Variants in IWS1 observed in about 807,000 individuals in gnomAD.
The protein encoded by IWS1 is protein IWS1 homolog.
IWS1 carries 27 observed loss-of-function variants against 86.7 expected under a neutral mutation model. The ratio of observed to expected loss-of-function variants is 0.31; its 90% CI spans 0.23 to 0.43. IWS1 has a LOEUF of 0.43. Among genes scored for constraint, IWS1 ranks in the 20% least tolerant of loss-of-function variants. IWS1 has a pLI of 1.00. For synonymous variants in IWS1, 313 were observed against 335.1 expected, an observed-to-expected ratio of 0.93 and a Z score of 0.72; for missense variants, 827 against 1,000.8, an observed-to-expected ratio of 0.83 and a Z score of 2.34.
At chr2:127,511,984 T>C (rs1269686410) in intron 2 of IWS1, among the ~76,000 whole-genome samples, 1 of 152,198 alleles carries the variant, frequency 6.6e-6, no homozygotes, top group Non-Finnish European at 1.5e-5. Flanking sequence ...TCAAGTAATG[T>C]TGGAGCTAAA....
intron 13 of IWS1, chr2:127,482,190 AT>A (rs918380910): frequency 9.2e-5 from 14 of 152,196 alleles, no homozygotes; most frequent in African/African-American, 3.4e-4. Flanking sequence ...GAATGCTAAA[AT>A]AAGGTAGGGC....
chr2:127,497,359 T>C (rs1316019656), intron 6 of IWS1, among the ~76,000 whole-genome samples: 1 of 152,224 alleles, frequency 6.6e-6, no homozygotes, highest in African/African-American at 2.4e-5. Flanking sequence ...AGGTGTTCAA[T>C]TATTTGAATG....
intron 1 of IWS1, 72 bp downstream of exon 1, chr2:127,526,103 C>G: frequency 6.8e-7 from 1 of 1,463,752 alleles, no homozygotes; most frequent in Non-Finnish European, 9.3e-7. Context: ...CCCCCACCCG[C>G]GGGGTGCCAG....
rs901526426 is a variant in IWS1 at position 127,505,349 on chromosome 2, G to C, written c.554C>G (p.Ser185Cys). Reference sequence around the variant, plus strand: ...GTGCCTTGGGGGTTCCTCACTCTCAGAGTCACTGATTTGAGGTTTTAGAGC... The same window carrying C: ...GTGCCTTGGGGGTTCCTCACTCTCACAGTCACTGATTTGAGGTTTTAGAGC... ...EDALKPQISD[S>C]ESEEPPRHQA... The change falls in exon 3 of 14, where the codon TCT (serine) becomes TGT (cysteine). Residue 185 changes from serine to cysteine, a missense_variant. This residue lies in a region of IWS1 where 548 missense variants were observed against 560.2 expected (regional missense o/e 0.98). Coordinates refer to ENST00000295321, the MANE Select transcript of IWS1 (RefSeq NM_017969.3). The surrounding 1 kb of genome is among the most constrained non-coding windows in gnomAD (Gnocchi z 5.0). 6.8e-6 allele frequency: 11 copies of C among 1,614,034 alleles called. No individual in the cohort carries two copies. The highest frequency in any genetic ancestry group is 9.3e-6 in the Non-Finnish European group (11 of 1,179,990).
intron 13 of IWS1, among the ~76,000 whole-genome samples, chr2:127,483,583 T>A (rs57627792): frequency 2.4e-4 from 5 of 20,614 alleles, no homozygotes; most frequent in East Asian, 2.1e-3. Context: ...GGGCGGGGGG[T>A]GGTGGGGTGG....
rs1387819581 is a variant in IWS1 at position 127,523,385 on chromosome 2, G to A, written c.150+291C>T. Among the ~76,000 whole-genome samples, 13 of 152,036 alleles carry A rather than the reference G, an allele frequency of 8.6e-5. No individual in the cohort carries two copies. The East Asian group carries it at 2.5e-3, about 29-fold the overall frequency. ...CCACTATGACATTATTGCAGAATAG[G>A]GAAACTTAGTCAAATATCAAAGGCC... On this transcript the variant is annotated intron_variant, in intron 2 of 13. Coordinates refer to ENST00000295321, the MANE Select transcript of IWS1 (RefSeq NM_017969.3).
intron 6 of IWS1, among the ~76,000 whole-genome samples, chr2:127,497,518 G>T (rs1232342645): frequency 6.6e-6 from 1 of 152,134 alleles, no homozygotes; most frequent in Non-Finnish European, 1.5e-5. Flanking sequence ...GCTTTCATCA[G>T]AATCATTACA....
At position 127,507,566 on chromosome 2, in the gene IWS1, T is replaced by C. The variant is rs13416711; in HGVS notation, c.151-1814A>G. On this transcript the variant is annotated intron_variant, in intron 2 of 13. Transcript: ENST00000295321. ...CGGTATTAGGACTTGAGAGATATCA[T>C]AGAATCTTACAATTACCGTACAATA... Among the ~76,000 whole-genome samples the C allele has an allele frequency of 9.8e-3, 1,490 of 152,328 alleles. 23 individuals are homozygous for C. Among genetic ancestry groups the C allele is most frequent in the African/African-American group, 0.033 (1,384 of 41,560 alleles).
At chr2:127,491,913 G>A (rs573700916) in intron 10 of IWS1, 58 bp downstream of exon 10, 24 of 960,110 alleles carry the variant, frequency 2.5e-5, no homozygotes, top group South Asian at 2.2e-4. Context: ...TTATATATAC[G>A]CATCTCTCTC....
At chr2:127,523,125 A>G (rs1012357048) in intron 2 of IWS1, among the ~76,000 whole-genome samples, 6 of 152,118 alleles carry the variant, frequency 3.9e-5, no homozygotes, top group African/African-American at 1.4e-4. Context: ...GTGGGAGGAT[A>G]GCTTGAGCCC....
At chr2:127,521,372 T>A (rs1380234706) in intron 2 of IWS1, among the ~76,000 whole-genome samples, 1 of 152,218 alleles carries the variant, frequency 6.6e-6, no homozygotes, top group Non-Finnish European at 1.5e-5. Flanking sequence ...AAAAGGCTCA[T>A]AGTCATTTCT....
rs749215103 is a variant in IWS1 at position 127,493,263 on chromosome 2, A to G, written c.1929+18T>C. ...ATTAGATAATTAATAAAGAACAGTCAGATTATCTGCCTCTAACCTCTTGCA... is the reference window on the plus strand; with the variant it reads ...ATTAGATAATTAATAAAGAACAGTCGGATTATCTGCCTCTAACCTCTTGCA... On this transcript the variant is annotated intron_variant, in intron 9 of 13. Coordinates refer to ENST00000295321, the MANE Select transcript of IWS1 (RefSeq NM_017969.3). 3.7e-6 allele frequency: 6 copies of G among 1,601,658 alleles called. No homozygotes were observed. Among genetic ancestry groups the G allele is most frequent in the Non-Finnish European group, 5.1e-6 (6 of 1,175,876 alleles).
At chr2:127,487,613 C>T (rs1689994127) in intron 12 of IWS1, among the ~76,000 whole-genome samples, 1 of 152,174 alleles carries the variant, frequency 6.6e-6, no homozygotes, top group Admixed American at 6.5e-5. Context: ...TGCAGTGGCA[C>T]AATCTCAGCT....
Position 127,494,968 on chromosome 2 carries a change from A to G in IWS1, c.1717-14T>C, listed in dbSNP as rs763594076. ...CTGTCTGTCTTCCTATTCAGAAAAA[A>G]AATAAAGATTTTTTTTTAAAACAGT... is the stretch of plus-strand genomic sequence containing the variant. On this transcript the variant is annotated splice_polypyrimidine_tract_variant and intron_variant, in intron 7 of 13. Coordinates refer to ENST00000295321, the MANE Select transcript of IWS1 (RefSeq NM_017969.3). 2 of 1,527,854 alleles carry G rather than the reference A, an allele frequency of 1.3e-6. No homozygotes were observed. The highest frequency in any genetic ancestry group is 1.8e-6 in the Non-Finnish European group (2 of 1,125,326). The allele number at this position is 1,527,854 out of a possible 1,614,324, so 94.6% of individuals were successfully genotyped here.
chr2:127,489,666 T>C lies in IWS1; in HGVS notation c.2159+166A>G. 2 of 616,096 alleles carry C rather than the reference T, an allele frequency of 3.2e-6. No individual in the cohort carries two copies. Among genetic ancestry groups the C allele is most frequent in the Non-Finnish European group, 5.8e-6 (2 of 344,750 alleles). The allele number at this position is 616,096 out of a possible 1,614,324, so 38.2% of individuals were successfully genotyped here. A position where few individuals can be genotyped will look rare whatever the true frequency, so the allele number is the denominator to read the frequency against. ...GGTTAGGAGGACAGGACCCTCACTA[T>C]ACACTATCACATTTAAACTAAAAGG... On this transcript the variant is annotated intron_variant, in intron 11 of 13. Coordinates refer to ENST00000295321, the MANE Select transcript of IWS1 (RefSeq NM_017969.3). The surrounding 1 kb of genome is among the most constrained non-coding windows in gnomAD (Gnocchi z 4.8).
Position 127,523,782 on chromosome 2 carries a change from C to G in IWS1, c.44G>C (p.Gly15Ala), listed in dbSNP as rs772015724. The G allele has an allele frequency of 2.6e-5, 42 of 1,608,370 alleles. No individual in the cohort carries two copies. The highest frequency in any genetic ancestry group is 3.0e-5 in the Non-Finnish European group (35 of 1,177,820). ...YYSGDQSDDG[G>A]ATPVQDERDS... ...CCGTTCATCCTGTACTGGGGTAGCA[C>G]CACCATCATCTGATTAAAAACAAAA... The change falls in exon 2 of 14, where the codon GGT becomes GCT. Residue 15 changes from glycine to alanine, a missense_variant. Physicochemically the swap from Gly to Ala is moderately conservative, Grantham distance 60. Around this residue, in one of 2 missense-constraint regions of IWS1, gnomAD observed 548 missense variants for 560.2 expected, o/e 0.98. Transcript: ENST00000295321.
At position 127,526,304 on chromosome 2, in the gene IWS1, CAG is replaced by C. The variant is rs760328289; in HGVS notation, c.-98_-97del. On this transcript the variant is annotated 5_prime_UTR_variant, in exon 1 of 14. Transcript: ENST00000295321. Reference sequence around the variant, plus strand: ...ACCCCGGATGGCGCGGCTAAGTGTTCAGAGACTGCCGCCCGACCGGAGAACTT... The same window carrying C: ...ACCCCGGATGGCGCGGCTAAGTGTTCAGACTGCCGCCCGACCGGAGAACTT... The C allele has an allele frequency of 2.5e-5, 39 of 1,542,094 alleles. No individual in the cohort carries two copies. Among genetic ancestry groups the C allele is most frequent in the Non-Finnish European group, 3.2e-5 (37 of 1,146,878 alleles).
rs568310682 is a variant in IWS1 at position 127,510,416 on chromosome 2, T to A, written c.151-4664A>T. Among the ~76,000 whole-genome samples the A allele has an allele frequency of 2.2e-4, 33 of 152,250 alleles. No individual in the cohort carries two copies. In the South Asian group the frequency reaches 6.8e-3, roughly 32 times the overall value. On this transcript the variant is annotated intron_variant, in intron 2 of 13. Coordinates refer to ENST00000295321, the MANE Select transcript of IWS1 (RefSeq NM_017969.3). ...TATCAAAAGTTGGTTGATCTTAGAA[T>A]AAGAGTCAGAAACAAAGGCACTCCT...
chr2:127,486,777 ACTC>A, intron 12 of IWS1, 113 bp from the exon 13 acceptor site: 1 of 766,040 alleles, frequency 1.3e-6, no homozygotes, highest in Middle Eastern at 3.8e-4. Flanking sequence ...AATGTTCGAA[ACTC>A]CTCTACTCCC....
Sources: gnomAD v4.1 joint callset for allele counts (sites outside exome capture counted in the v4.1 genomes callset) on GRCh38, gnomAD v4.1.1 for gene constraint, gnomAD v4.1.1 regional missense constraint, Gnocchi (gnomAD v3.1) non-coding constraint, MANE v1.5 for transcripts, NCBI Gene and HGNC (gene_info 2026-07-23, HGNC 2026-07-21) for gene names.